Variants in ZNF487 observed in about 807,000 individuals in gnomAD.
The protein encoded by ZNF487 is KRAB domain only 1.
Under a neutral mutation model 3.0 loss-of-function variants are expected in ZNF487, and 4 were observed. The observed-to-expected ratio is 1.35, with a 90% CI of 0.66 to 3.08. The LOEUF is 3.08. Ranked by LOEUF, ZNF487 falls within the 30% of genes most tolerant of loss-of-function variation. The pLI is 0.01. For missense variants in ZNF487, 146 were observed against 98.7 expected, an observed-to-expected ratio of 1.48 and a Z score of -2.03; for synonymous variants, 55 against 34.6, an observed-to-expected ratio of 1.59 and a Z score of -2.06.
chr10:43,498,094 TA>T, the ZNF487 span, among the ~76,000 whole-genome samples: 98 of 13,074 alleles, frequency 7.5e-3, 6 homozygotes, highest in African/African-American at 0.016. Flanking sequence ...TATATATATA[TA>T]TATATTTTTT....
At chr10:43,493,709 AATATATAT>A in the ZNF487 span, among the ~76,000 whole-genome samples, 247 of 43,552 alleles carry the variant, frequency 5.7e-3, 3 homozygotes, top group East Asian at 7.5e-3. Flanking sequence ...AAAAAAAAAA[AATATATAT>A]ATATATATAT....
At chr10:43,498,090 TATATATA>T in the ZNF487 span, among the ~76,000 whole-genome samples, 1 of 16,750 alleles carries the variant, frequency 6.0e-5, no homozygotes, top group Non-Finnish European at 1.1e-4. Context: ...TATATATATA[TATATATA>T]TATTTTTTTT....
the ZNF487 span, among the ~76,000 whole-genome samples, chr10:43,504,470 A>G: frequency 3.3e-5 from 5 of 149,474 alleles, no homozygotes; most frequent in African/African-American, 9.8e-5. Context: ...ATTTTTTTGT[A>G]TTTTTTAGTA....
intron 1 of ZNF487, among the ~76,000 whole-genome samples, chr10:43,441,395 A>T (rs763603555): frequency 1.3e-5 from 2 of 151,682 alleles, no homozygotes; most frequent in African/African-American, 4.8e-5. Context: ...CCTCCCGACT[A>T]GCTGGGACTA....
chr10:43,486,313 G>A (rs1841471106), downstream of ZNF487, among the ~76,000 whole-genome samples: 1 of 152,118 alleles, frequency 6.6e-6, no homozygotes, highest in Admixed American at 6.6e-5. Context: ...GATCACCTGA[G>A]GTTGGGAGTT....
At chr10:43,468,745 T>TTTGG (rs1379086674) in intron 1 of ZNF487, among the ~76,000 whole-genome samples, 1 of 144,896 alleles carries the variant, frequency 6.9e-6, no homozygotes, top group East Asian at 2.0e-4. Flanking sequence ...CCAGCACCAC[T>TTTGG]TTGGGAGGCC....
At chr10:43,504,110 CAT>C in the ZNF487 span, among the ~76,000 whole-genome samples, 1 of 151,998 alleles carries the variant, frequency 6.6e-6, no homozygotes, top group African/African-American at 2.4e-5. Context: ...TACCTAATGA[CAT>C]ATTTCTCAGA....
intron 1 of ZNF487, among the ~76,000 whole-genome samples, chr10:43,444,082 T>C (rs1354767692): frequency 6.6e-6 from 1 of 151,750 alleles, no homozygotes; most frequent in East Asian, 2.0e-4. Flanking sequence ...CTCCATCTCC[T>C]GACCTCGTGA....
intron 1 of ZNF487, among the ~76,000 whole-genome samples, chr10:43,469,008 A>G (rs372509981): frequency 0.021 from 3,167 of 150,174 alleles, 85 homozygotes; most frequent in South Asian, 0.11. Context: ...AAAAAAAAAA[A>G]AAAAAAGAAA....
At chr10:43,438,875 G>A (rs926726309) in intron 1 of ZNF487, among the ~76,000 whole-genome samples, 7 of 151,992 alleles carry the variant, frequency 4.6e-5, no homozygotes, top group African/African-American at 1.7e-4. Flanking sequence ...GAGTCCAGGA[G>A]TTCCAGACCA....
intron 1 of ZNF487, among the ~76,000 whole-genome samples, chr10:43,455,668 C>A (rs574055519): frequency 1.3e-5 from 2 of 152,304 alleles, no homozygotes; most frequent in South Asian, 4.1e-4. Context: ...GCCGCGCATG[C>A]GCGGCCCATT....
intron 1 of ZNF487, among the ~76,000 whole-genome samples, chr10:43,465,068 C>G (rs1227374877): frequency 2.8e-5 from 4 of 144,936 alleles, no homozygotes; most frequent in African/African-American, 7.9e-5. Flanking sequence ...CACCTCCCTC[C>G]CGGGGCGGCT....
intron 1 of ZNF487, among the ~76,000 whole-genome samples, chr10:43,448,124 G>C (rs2132051123): frequency 1.3e-5 from 2 of 151,588 alleles, no homozygotes; most frequent in East Asian, 3.9e-4. Context: ...GGAGTAGCTG[G>C]GACTATAGGT....
At chr10:43,500,301 C>T in the ZNF487 span, among the ~76,000 whole-genome samples, 7 of 152,008 alleles carry the variant, frequency 4.6e-5, no homozygotes, top group South Asian at 6.2e-4. Context: ...TGAGCCACCA[C>T]GCCTGGCCAC....
chr10:43,457,175 G>A (rs1051058121), intron 1 of ZNF487, among the ~76,000 whole-genome samples: 2 of 152,068 alleles, frequency 1.3e-5, no homozygotes, highest in Non-Finnish European at 2.9e-5. Context: ...GAGCCCGGAA[G>A]GCGGAGGTTG....
the ZNF487 span, among the ~76,000 whole-genome samples, chr10:43,505,377 C>T: frequency 2.6e-5 from 4 of 151,280 alleles, no homozygotes; most frequent in East Asian, 3.9e-4. Flanking sequence ...CTCTGCCTCC[C>T]GGATTCAAGT....
intron 1 of ZNF487, among the ~76,000 whole-genome samples, chr10:43,475,051 G>T (rs1160945264): frequency 6.6e-6 from 1 of 152,082 alleles, no homozygotes; most frequent in Non-Finnish European, 1.5e-5. Context: ...CAGTGTGCAG[G>T]TGGGTCCCCA....
the ZNF487 span, among the ~76,000 whole-genome samples, chr10:43,513,458 G>C: frequency 5.9e-5 from 9 of 152,330 alleles, no homozygotes; most frequent in Admixed American, 3.3e-4. Context: ...TCCAAGATCT[G>C]TCGTCTGCAC....
the ZNF487 span, among the ~76,000 whole-genome samples, chr10:43,494,694 C>T: frequency 4.0e-5 from 6 of 149,598 alleles, no homozygotes; most frequent in African/African-American, 1.5e-4. Flanking sequence ...CACCTGTAAG[C>T]CCAGCACTTG....
Sources: gnomAD v4.1 joint callset for allele counts (sites outside exome capture counted in the v4.1 genomes callset) on GRCh38, gnomAD v4.1.1 for gene constraint, MANE v1.5 for transcripts, NCBI Gene and HGNC (gene_info 2026-07-23, HGNC 2026-07-21) for gene names.